The following TNK2 variants were observed in gnomAD, a reference collection of about 807,000 sequenced individuals.
TNK2 encodes tyrosine kinase non receptor 2.
A neutral mutation model predicts 101.8 loss-of-function variants in TNK2; 83 were observed. That is an observed-to-expected ratio of 0.82 (90% CI 0.68 to 0.98). The LOEUF is 0.98. TNK2 is among the 50% of genes least tolerant of loss of function. The probability of loss-of-function intolerance (pLI) is 0.00; values close to 1 mark genes in which losing one functional copy is unlikely to be tolerated. For synonymous variants in TNK2, 804 were observed against 633.0 expected (o/e 1.27, Z -4.06); for missense variants, 1,665 against 1,483.2 (o/e 1.12, Z -2.01).
In TNK2 at chr3:195,902,043, C is replaced by G. The variant is rs368712134; in HGVS notation, c.-19+6442G>C. On this transcript the variant is annotated intron_variant, in intron 1 of 15. Transcript: ENST00000672887. ...ACTCCTTCCTGAAACCTCACCAGAA[C>G]AACAATTAAAAAAGGATGTTCTGAA... is the stretch of plus-strand genomic sequence containing the variant. Among the ~76,000 whole-genome samples the G allele has an allele frequency of 7.2e-5, 11 of 152,150 alleles. No individual in the cohort carries two copies. The East Asian group carries it at 2.1e-3, about 29-fold the overall frequency.
chr3:195,896,087 G>A (rs1299927401), intron 1 of TNK2: 1 of 455,642 alleles, frequency 2.2e-6, no homozygotes, highest in Non-Finnish European at 4.4e-6. Flanking sequence ...CGAGGGCCCG[G>A]ACTCCTGCTC....
In TNK2 at chr3:195,864,091, A is replaced by C; in HGVS notation, c.*90T>G. ...GAGCAGCAGGAGCAGCGGGTCCTCC[A>C]GGACTGGATGGGGGCATCTCCCCAC... On this transcript the variant is annotated 3_prime_UTR_variant, in exon 16 of 16. Coordinates refer to ENST00000672887, the MANE Select transcript of TNK2 (RefSeq NM_001382273.1). 6.3e-7 allele frequency: 1 copy of C among 1,575,684 alleles called. No individual in the cohort carries two copies. The highest frequency in any genetic ancestry group is 1.1e-5 in the South Asian group (1 of 89,426).
At chr3:195,890,702 G>A (rs895095321) in intron 1 of TNK2, among the ~76,000 whole-genome samples, 1 of 152,182 alleles carries the variant, frequency 6.6e-6, no homozygotes, top group African/African-American at 2.4e-5. Flanking sequence ...GCCTCCCAAA[G>A]TGCTGGGGAG....
At chr3:195,877,121 C>T (rs998154549) in intron 9 of TNK2, among the ~76,000 whole-genome samples, 4 of 152,160 alleles carry the variant, frequency 2.6e-5, no homozygotes, top group Admixed American at 6.5e-5. Context: ...CGGAGCGCCA[C>T]GCTTGCAATC....
At chr3:195,866,288 C>T (rs537932669) in intron 15 of TNK2, among the ~76,000 whole-genome samples, 5 of 152,256 alleles carry the variant, frequency 3.3e-5, no homozygotes, top group Admixed American at 6.5e-5. Context: ...GCAACCTCCG[C>T]CTCCCAGGTT....
rs762213900 is a variant in TNK2 at position 195,883,173 on chromosome 3, G to A, written c.593C>T (p.Thr198Met). The A allele has an allele frequency of 4.4e-6, 7 of 1,606,646 alleles. No homozygotes were observed. Among genetic ancestry groups the A allele is most frequent in the Middle Eastern group, 1.7e-4 (1 of 6,060 alleles). ...AGTACTCACCATCTTCATGGGCGGC[G>A]TGAGCACCACCCCGTAGAGGCGGAT... The part of the protein sequence containing the change: ...NLIRLYGVVL[T>M]PPMKMVTELA... Residue 198 changes from threonine (T) to methionine (M), a missense_variant, in exon 5 of 16, where the codon ACG becomes ATG. Physicochemically the swap from Thr to Met is moderately conservative, Grantham distance 81 (BLOSUM62 -1). This residue lies in a region of TNK2 where 490 missense variants were observed against 522.5 expected (regional missense o/e 0.94). Coordinates refer to ENST00000672887, the MANE Select transcript of TNK2 (RefSeq NM_001382273.1).
chr3:195,896,579 G>C (rs1163819568), intron 1 of TNK2, among the ~76,000 whole-genome samples: 14 of 152,198 alleles, frequency 9.2e-5, no homozygotes, highest in Admixed American at 9.2e-4. Flanking sequence ...GACTGTAGAA[G>C]GCAAGGCAGA....
rs1205445291 is a variant in TNK2 at position 195,869,548 on chromosome 3, G to A, written c.1544-7C>T. 3 of 1,551,222 alleles carry A rather than the reference G, an allele frequency of 1.9e-6. No homozygotes were observed. Among genetic ancestry groups the A allele is most frequent in the Non-Finnish European group, 2.6e-6 (3 of 1,146,944 alleles). ...GGGCGAGGTGGAGGCTCCCCTGCAA[G>A]AAAGGCCATGCGGACAGGGGGAGAG... On this transcript the variant is annotated splice_polypyrimidine_tract_variant and splice_region_variant and intron_variant, in intron 11 of 15. Transcript: ENST00000672887.
chr3:195,870,200 T>C lies in TNK2; in HGVS notation c.1457A>G (p.Tyr486Cys). The part of the protein sequence containing the change: ...WGFPDRIDEL[Y>C]LGNPMDPPDL... ...GGGGGGGTCCATGGGGTTTCCCAGA[T>C]ACAGTCTGTGGGGGAGAGAGCTGGG... is the stretch of plus-strand genomic sequence containing the variant. Residue 486 changes from tyrosine (Y) to cysteine (C), a missense_variant, in exon 11 of 16, where the codon TAT becomes TGT. Physicochemically the swap from Tyr to Cys is radical, Grantham distance 194. Transcript: ENST00000672887. 1.3e-6 allele frequency: 2 copies of C among 1,564,570 alleles called. No individual in the cohort carries two copies. The highest frequency in any genetic ancestry group is 1.7e-6 in the Non-Finnish European group (2 of 1,151,348).
At chr3:195,904,139 T>A (rs1577123503) in intron 1 of TNK2, among the ~76,000 whole-genome samples, 1 of 151,702 alleles carries the variant, frequency 6.6e-6, no homozygotes, top group Non-Finnish European at 1.5e-5. Context: ...ACACCTGTAG[T>A]CCCAGCTACC....
At chr3:195,870,024 G>C in intron 11 of TNK2, 90 bp downstream of exon 11, 2 of 1,071,864 alleles carry the variant, frequency 1.9e-6, no homozygotes, top group Non-Finnish European at 2.6e-6. Context: ...CCCAAAAACA[G>C]AACAGCAGCC....
chr3:195,879,818 G>A (rs973173036), intron 6 of TNK2, among the ~76,000 whole-genome samples: 3 of 152,018 alleles, frequency 2.0e-5, no homozygotes, highest in Admixed American at 6.5e-5. Flanking sequence ...AAAGTCACTC[G>A]AGATCGCTAA....
chr3:195,887,472 C>CT (rs1756199870), intron 2 of TNK2, among the ~76,000 whole-genome samples: 1 of 152,250 alleles, frequency 6.6e-6, no homozygotes, highest in Non-Finnish European at 1.5e-5. Flanking sequence ...AAGTCAGTGT[C>CT]TAACTTGACA....
intron 4 of TNK2, 120 bp from the exon 5 acceptor site, chr3:195,883,429 G>A: frequency 8.2e-7 from 1 of 1,217,186 alleles, no homozygotes; most frequent in Non-Finnish European, 1.2e-6. Flanking sequence ...TCATCTGGGT[G>A]GGTAAGCATG....
At chr3:195,892,785 T>G in intron 1 of TNK2, 2 of 1,182,382 alleles carry the variant, frequency 1.7e-6, no homozygotes, top group Non-Finnish European at 1.1e-6. Context: ...CCCACCCAAC[T>G]GCCCGCCCGG....
At position 195,868,252 on chromosome 3, in the gene TNK2, C is replaced by A; in HGVS notation, c.2046G>T (p.Gln682His). The A allele has an allele frequency of 6.2e-7, 1 of 1,604,898 alleles. No individual in the cohort carries two copies. Among genetic ancestry groups the A allele is most frequent in the Non-Finnish European group, 8.5e-7 (1 of 1,179,552 alleles). ...GCTCAGGCACAAAGGCGTAGTTGGT[C>A]TGGCCCTGGCTGGGCCCGGCAGGGA... ...AGVPAGPSQG[Q>H]TNYAFVPEQA... The change falls in exon 13 of 16, where the codon CAG becomes CAT. Residue 682 changes from glutamine to histidine, a missense_variant. Around this residue, in one of 3 missense-constraint regions of TNK2, gnomAD observed 1,136 missense variants for 894.9 expected, o/e 1.27. Coordinates refer to ENST00000672887, the MANE Select transcript of TNK2 (RefSeq NM_001382273.1).
chr3:195,882,660 C>G lies in TNK2; in HGVS notation c.610-332G>C, dbSNP rs1753714405. On this transcript the variant is annotated intron_variant, in intron 5 of 15. Transcript: ENST00000672887. This position sits in a 1 kb window ranked among gnomAD's most constrained non-coding sequence, Gnocchi z 4.2. ...ATCATTTGAGGTCAGGAGTTTGAGA[C>G]CAGCCTGGCCAACATGGTGAAACCC... 2 of 627,620 alleles carry G rather than the reference C, an allele frequency of 3.2e-6. No homozygotes were observed. The highest frequency in any genetic ancestry group is 5.1e-6 in the Non-Finnish European group (2 of 390,774). The allele number at this position is 627,620 out of a possible 1,614,324, so 38.9% of individuals were successfully genotyped here. A position where few individuals can be genotyped will look rare whatever the true frequency, so the allele number is the denominator to read the frequency against.
intron 1 of TNK2, among the ~76,000 whole-genome samples, chr3:195,907,170 C>T (rs1235267001): frequency 1.3e-5 from 2 of 152,242 alleles, no homozygotes; most frequent in Non-Finnish European, 2.9e-5. Context: ...ACCGTTCTCT[C>T]CACTGAAGCC....
At position 195,888,849 on chromosome 3, in the gene TNK2, T is replaced by G. The variant is rs1418427981; in HGVS notation, c.-18-243A>C. Among the ~76,000 whole-genome samples the G allele has an allele frequency of 2.6e-5, 4 of 152,122 alleles. No homozygotes were observed. The highest frequency in any genetic ancestry group is 5.9e-5 in the Non-Finnish European group (4 of 68,024). On this transcript the variant is annotated intron_variant, in intron 1 of 15. Transcript: ENST00000672887. This position sits in a 1 kb window ranked among gnomAD's most constrained non-coding sequence, Gnocchi z 5.3. The stretch of plus-strand genomic sequence containing the variant: ...GCCCTGGAGTCAGGAGTCAGGGTCT[T>G]GCTCCCGAAATGTGATCTGTGACTG...
Sources: gnomAD v4.1 joint callset for allele counts (sites outside exome capture counted in the v4.1 genomes callset) on GRCh38, gnomAD v4.1.1 for gene constraint, gnomAD v4.1.1 regional missense constraint, Gnocchi (gnomAD v3.1) non-coding constraint, MANE v1.5 for transcripts, NCBI Gene and HGNC (gene_info 2026-07-23, HGNC 2026-07-21) for gene names.